NUP43: variants seen among roughly 807,000 people sequenced by gnomAD.
The protein encoded by NUP43 is nucleoporin Nup43.
In NUP43, 32 loss-of-function variants were observed where a neutral mutation model predicts 47.3. That is an observed-to-expected ratio of 0.68 (90% confidence interval 0.51 to 0.91). NUP43 has a LOEUF of 0.91. NUP43 is among the 40% of genes least tolerant of loss of function. The pLI, the probability that NUP43 is intolerant of heterozygous loss-of-function variation, is 0.00. For synonymous variants in NUP43, 147 were observed against 158.4 expected, an observed-to-expected ratio of 0.93 and a Z score of 0.54; for missense variants, 444 against 453.9, an observed-to-expected ratio of 0.98 and a Z score of 0.20.
chr6:149,731,811 C>T, intron 6 of NUP43, 76 bp from the exon 7 acceptor site: 2 of 1,446,770 alleles, frequency 1.4e-6, no homozygotes, highest in Non-Finnish European at 1.9e-6. Flanking sequence ...CATCTCTAGG[C>T]ATCATCTTCC....
Position 149,727,005 on chromosome 6 carries a change from T to G in NUP43, c.1107A>C (p.Ala369=). 6.2e-7 allele frequency: 1 copy of G among 1,614,062 alleles called. No homozygotes were observed. The highest frequency in any genetic ancestry group is 8.5e-7 in the Non-Finnish European group (1 of 1,179,926). The part of the protein sequence containing the change: ...LGPCLVCGTD[A]EAIYVTRHLF... ...GATGTCTAGTAACATAAATTGCTTCTGCATCGGTTCCACAAACAAGACAAG... is the reference window on the plus strand; with the variant it reads ...GATGTCTAGTAACATAAATTGCTTCGGCATCGGTTCCACAAACAAGACAAG... Residue 369 remains alanine (A), a synonymous_variant, in exon 8 of 8, where the codon GCA becomes GCC. Transcript: ENST00000340413.
chr6:149,746,375 C>T lies in NUP43; in HGVS notation c.120+1G>A. The T allele has an allele frequency of 6.2e-7, 1 of 1,613,698 alleles. No homozygotes were observed. The highest frequency in any genetic ancestry group is 1.1e-5 in the South Asian group (1 of 91,070). On this transcript the variant is annotated splice_donor_variant, in intron 1 of 7. Transcript: ENST00000340413. LOFTEE classifies it high-confidence loss of function. ...GGGCTCGTCCCTATCAGCGGCGATA[C>T]CTCATTGTCCCAAGATCCTGTAGCG...
At chr6:149,745,233 T>C (rs190852240) in intron 2 of NUP43, among the ~76,000 whole-genome samples, 1 of 151,830 alleles carries the variant, frequency 6.6e-6, no homozygotes, top group Admixed American at 6.6e-5. Flanking sequence ...ACCCCGTCTC[T>C]ATTAAAAATA....
intron 4 of NUP43, among the ~76,000 whole-genome samples, chr6:149,739,269 C>A (rs1300040674): frequency 6.6e-6 from 1 of 151,488 alleles, no homozygotes; most frequent in South Asian, 2.1e-4. Flanking sequence ...TGAGCCACCA[C>A]GCCTGGCCTA....
intron 4 of NUP43, among the ~76,000 whole-genome samples, chr6:149,739,831 T>C (rs969305322): frequency 1.3e-5 from 2 of 152,096 alleles, no homozygotes; most frequent in Non-Finnish European, 2.9e-5. Context: ...CCTCATCAAC[T>C]CTCGCCCTCT....
rs79165105 is a variant in NUP43, at chr6:149,743,780, T to C, written c.244-65A>G. 6.7e-4 allele frequency: 652 copies of C among 975,808 alleles called. 2 individuals carry two copies. In the African/African-American group the frequency reaches 9.3e-3, roughly 14 times the overall value. The allele number at this position is 975,808 out of a possible 1,614,324, so 60.4% of individuals were successfully genotyped here. ...TTAGCAGGGAGGAAGTCCATTTGTT[T>C]ATTTAACTCAATTAGTAGCAAATCT... On this transcript the variant is annotated intron_variant, in intron 2 of 7. Coordinates refer to ENST00000340413, the MANE Select transcript of NUP43 (RefSeq NM_198887.3).
chr6:149,736,808 C>A (rs572860652), intron 5 of NUP43, among the ~76,000 whole-genome samples, 186 bp from the exon 6 acceptor site: 1 of 152,302 alleles, frequency 6.6e-6, no homozygotes, highest in Admixed American at 6.5e-5. Context: ...CCCACCTCAG[C>A]CTCCTGAGTT....
intron 6 of NUP43, among the ~76,000 whole-genome samples, chr6:149,736,222 G>A (rs918943475): frequency 7.6e-4 from 112 of 146,628 alleles, no homozygotes; most frequent in African/African-American, 2.7e-3. Flanking sequence ...GGTTGCGGTG[G>A]GCCAAGATAG....
intron 6 of NUP43, among the ~76,000 whole-genome samples, chr6:149,733,938 C>T (rs993016771): frequency 4.1e-4 from 63 of 152,042 alleles, no homozygotes; most frequent in African/African-American, 1.3e-3. Context: ...GACTGTCCTG[C>T]CTCTGCCTCC....
intron 5 of NUP43, 143 bp downstream of exon 5, chr6:149,738,500 T>A (rs1172466273): frequency 2.0e-6 from 1 of 503,208 alleles, no homozygotes; most frequent in Admixed American, 4.1e-5. Flanking sequence ...CCCGTCAAGT[T>A]ATGCTTGCTC....
At chr6:149,743,752 A>T in intron 2 of NUP43, 37 bp from the exon 3 acceptor site, 2 of 1,298,730 alleles carry the variant, frequency 1.5e-6, no homozygotes, top group Non-Finnish European at 2.2e-6. Context: ...AGATTCAGAA[A>T]TATTAGCAGG....
At chr6:149,728,029 A>C in intron 7 of NUP43, 2 of 985,418 alleles carry the variant, frequency 2.0e-6, no homozygotes, top group Non-Finnish European at 2.4e-6. Flanking sequence ...TGATCCTTTA[A>C]AATATGGCTG....
chr6:149,741,899 A>T (rs1428502920), intron 4 of NUP43, among the ~76,000 whole-genome samples: 2 of 151,732 alleles, frequency 1.3e-5, no homozygotes, highest in African/African-American at 4.8e-5. Context: ...TCCCTCTGTC[A>T]CCCAGGTGGG....
At chr6:149,748,728 G>T (rs570363325), upstream of NUP43, among the ~76,000 whole-genome samples, 1 of 148,030 alleles carries the variant, frequency 6.8e-6, no homozygotes, top group Non-Finnish European at 1.5e-5. Context: ...AGAATGGCCT[G>T]AACCTGGGAG....
rs993033135 is a variant in NUP43, at chr6:149,731,844, C to T, written c.791-109G>A. 11 of 1,154,134 alleles carry T rather than the reference C, an allele frequency of 9.5e-6. 1 individual carries two copies. The highest frequency in any genetic ancestry group is 5.0e-5 in the East Asian group (2 of 40,370). 71.5% of individuals were successfully genotyped at this position (1,154,134 alleles called of 1,614,324 possible). A position where few individuals can be genotyped will look rare whatever the true frequency, so the allele number is the denominator to read the frequency against. On this transcript the variant is annotated intron_variant, in intron 6 of 7. Coordinates refer to ENST00000340413, the MANE Select transcript of NUP43 (RefSeq NM_198887.3). ...TCCATTATCCTCCATCACATACCTT[C>T]GAGCCTCAAGTCTGTCCTAAAAATT...
Position 149,724,453 on chromosome 6 carries a change from T to C in NUP43, c.*2516A>G, listed in dbSNP as rs1231217156. ...ACATCATCAGTGTGTTAACATACAA[T>C]AGGACTGTACCCTTTTACAGGATTG... is the stretch of plus-strand genomic sequence containing the variant. On this transcript the variant is annotated 3_prime_UTR_variant, in exon 8 of 8. Coordinates refer to ENST00000340413, the MANE Select transcript of NUP43 (RefSeq NM_198887.3). 2.0e-5 allele frequency: 3 copies of C among 149,452 alleles called. No individual in the cohort carries two copies. Among genetic ancestry groups the C allele is most frequent in the South Asian group, 2.1e-4 (1 of 4,708 alleles). The allele number at this position is 149,452 out of a possible 1,614,324, so 9.3% of individuals were successfully genotyped here. A position where few individuals can be genotyped will look rare whatever the true frequency, so the allele number is the denominator to read the frequency against.
chr6:149,728,387 T>C (rs1413961500), intron 7 of NUP43: 1 of 983,860 alleles, frequency 1.0e-6, no homozygotes, highest in Non-Finnish European at 1.2e-6. Context: ...ACTTAGTTAA[T>C]CCTTAGATGA....
At position 149,742,370 on chromosome 6, in the gene NUP43, C is replaced by T; in HGVS notation, c.502+20G>A. 2 of 1,611,150 alleles carry T rather than the reference C, an allele frequency of 1.2e-6. No individual in the cohort carries two copies. The highest frequency in any genetic ancestry group is 1.7e-6 in the Non-Finnish European group (2 of 1,177,672). On this transcript the variant is annotated intron_variant, in intron 4 of 7. Transcript: ENST00000340413. ...AGAGACTAGGTTTCGCCATGTTGGC[C>T]AGGCTGGGATTTTTCTTACCTATGG...
chr6:149,740,442 A>G (rs1346604327), intron 4 of NUP43, among the ~76,000 whole-genome samples: 1 of 152,170 alleles, frequency 6.6e-6, no homozygotes, highest in Non-Finnish European at 1.5e-5. Flanking sequence ...CATCCTGGCC[A>G]ACATGTTGAA....
Sources: gnomAD v4.1 joint callset for allele counts (sites outside exome capture counted in the v4.1 genomes callset) on GRCh38, gnomAD v4.1.1 for gene constraint, MANE v1.5 for transcripts, NCBI Gene and HGNC (gene_info 2026-07-23, HGNC 2026-07-21) for gene names.